Variants in ATP2B4 observed in about 807,000 individuals in gnomAD.
ATP2B4 encodes ATPase plasma membrane Ca2+ transporting 4, also known as plasma membrane calcium-transporting ATPase 4.
A neutral mutation model predicts 110.3 loss-of-function variants in ATP2B4; 39 were observed. The ratio of observed to expected loss-of-function variants is 0.35; its 90% CI spans 0.27 to 0.46. The LOEUF is 0.46. Among genes scored for constraint, ATP2B4 ranks in the 20% least tolerant of loss-of-function variants. The pLI is 1.00. For missense variants in ATP2B4, 1,135 were observed against 1,530.9 expected, an observed-to-expected ratio of 0.74 and a Z score of 4.32; for synonymous variants, 538 against 571.7, an observed-to-expected ratio of 0.94 and a Z score of 0.84.
chr1:203,703,514 T>C (rs920720067), intron 7 of ATP2B4, 138 bp from the exon 8 acceptor site: 1 of 908,598 alleles, frequency 1.1e-6, no homozygotes, highest in Non-Finnish European at 1.7e-6. Flanking sequence ...TAGCATGGGT[T>C]GGAAGTGGTC....
intron 1 of ATP2B4, among the ~76,000 whole-genome samples, chr1:203,655,517 G>A (rs4951306): frequency 0.95 from 144,389 of 152,114 alleles, 68,987 homozygotes; most frequent in East Asian, 1. Flanking sequence ...GTGGTGGTGC[G>A]TTCCTGTAAT....
At position 203,726,095 on chromosome 1, in the gene ATP2B4, C is replaced by G. The variant is rs1271721647; in HGVS notation, c.3133-1300C>G. Reference sequence around the variant, plus strand: ...ACAAAAAAAAAAAAAAAAAATTGGCCGGGCATGGTGACACATGCCTGTAAT... The same window carrying G: ...ACAAAAAAAAAAAAAAAAAATTGGCGGGGCATGGTGACACATGCCTGTAAT... On this transcript the variant is annotated intron_variant, in intron 19 of 20. Transcript: ENST00000357681. 2.0e-5 allele frequency among the ~76,000 whole-genome samples: 3 copies of G among 150,074 alleles called. No homozygotes were observed. The South Asian group carries it at 6.3e-4, about 31-fold the overall frequency.
At position 203,654,062 on chromosome 1, in the gene ATP2B4, CTA is replaced by C. The variant is rs1429933236; in HGVS notation, c.-465+26845_-465+26846del. Among the ~76,000 whole-genome samples, 18 of 148,022 alleles carry C rather than the reference CTA, an allele frequency of 1.2e-4. No individual in the cohort carries two copies. The Admixed American group carries it at 1.2e-3, about 10-fold the overall frequency. ...GCAATTGTGCGATCTCAGCTCACTGCTATGTCTGCCTCCCGTGTTCAAGCAAT... is the reference window on the plus strand; with the variant it reads ...GCAATTGTGCGATCTCAGCTCACTGCTGTCTGCCTCCCGTGTTCAAGCAAT... On this transcript the variant is annotated intron_variant, in intron 1 of 20. Transcript: ENST00000357681.
chr1:203,726,824 T>C (rs1359072565), intron 19 of ATP2B4, among the ~76,000 whole-genome samples: 1 of 152,176 alleles, frequency 6.6e-6, no homozygotes, highest in African/African-American at 2.4e-5. Flanking sequence ...CTATGGACTG[T>C]CCCATCCACT....
intron 20 of ATP2B4, among the ~76,000 whole-genome samples, chr1:203,735,371 G>A (rs1474849584): frequency 6.6e-6 from 1 of 152,224 alleles, no homozygotes; most frequent in African/African-American, 2.4e-5. Context: ...AGAGAGGAGA[G>A]AGAAGGTAGC....
intron 14 of ATP2B4, 140 bp downstream of exon 14, chr1:203,713,392 T>C: frequency 1.3e-6 from 1 of 775,590 alleles, no homozygotes; most frequent in African/African-American, 1.7e-5. Context: ...GGGGAGAACA[T>C]ACAGTTAGCA....
chr1:203,686,735 C>T (rs1468001178), intron 2 of ATP2B4, among the ~76,000 whole-genome samples: 2 of 81,722 alleles, frequency 2.4e-5, no homozygotes, highest in Non-Finnish European at 4.6e-5. Flanking sequence ...CTTTTGTTGC[C>T]CAAGCTGGAG....
intron 1 of ATP2B4, among the ~76,000 whole-genome samples, chr1:203,660,125 T>A (rs1179067663): frequency 2.0e-5 from 3 of 150,826 alleles, no homozygotes; most frequent in Non-Finnish European, 4.4e-5. Flanking sequence ...AAGAAACTTG[T>A]CCAAGGTCAC....
At chr1:203,668,839 G>C (rs1664581157) in intron 1 of ATP2B4, among the ~76,000 whole-genome samples, 1 of 152,190 alleles carries the variant, frequency 6.6e-6, no homozygotes, top group Non-Finnish European at 1.5e-5. Flanking sequence ...TGGAGATGTG[G>C]GAAAAGAGAA....
intron 16 of ATP2B4, 72 bp from the exon 17 acceptor site, chr1:203,721,125 T>C: frequency 6.6e-7 from 1 of 1,515,304 alleles, no homozygotes; most frequent in South Asian, 1.2e-5. Context: ...TCGTGGGAGC[T>C]GGGCCATCGA....
At chr1:203,714,136 A>G (rs765127043) in intron 14 of ATP2B4, 35 bp from the exon 15 acceptor site, 1 of 1,597,050 alleles carries the variant, frequency 6.3e-7, no homozygotes, top group Non-Finnish European at 8.6e-7. Flanking sequence ...GGGGGAGACC[A>G]GAAAAGCTCA....
At chr1:203,688,243 C>T (rs1223013152) in intron 2 of ATP2B4, among the ~76,000 whole-genome samples, 5 of 151,672 alleles carry the variant, frequency 3.3e-5, no homozygotes, top group African/African-American at 9.7e-5. Context: ...CTCAGCCTCC[C>T]GAAGTGCTGG....
intron 1 of ATP2B4, chr1:203,657,892 C>G (rs1240735197): frequency 7.0e-6 from 2 of 287,504 alleles, no homozygotes; most frequent in East Asian, 1.6e-4. Flanking sequence ...GTAGTAGAGA[C>G]AGGGTTTCAC....
At chr1:203,724,502 G>T (rs1035339327) in intron 19 of ATP2B4, among the ~76,000 whole-genome samples, 9 of 151,272 alleles carry the variant, frequency 5.9e-5, no homozygotes, top group Non-Finnish European at 8.8e-5. Context: ...GGGCGACAGA[G>T]CAAGACTCAG....
chr1:203,732,044 G>A (rs1378545307), intron 20 of ATP2B4, among the ~76,000 whole-genome samples: 1 of 151,314 alleles, frequency 6.6e-6, no homozygotes, highest in Non-Finnish European at 1.5e-5. Context: ...CAGCCTGGTG[G>A]CGGGTGCCTG....
rs1006963941 is a variant in ATP2B4 at position 203,742,363 on chromosome 1, T to C, written c.*2509T>C. The C allele has an allele frequency of 6.5e-6, 1 of 152,672 alleles. No individual in the cohort carries two copies. The highest frequency in any genetic ancestry group is 1.5e-5 in the Non-Finnish European group (1 of 68,044). 9.5% of individuals were successfully genotyped at this position (152,672 alleles called of 1,614,324 possible). A position where few individuals can be genotyped will look rare whatever the true frequency, so the allele number is the denominator to read the frequency against. On this transcript the variant is annotated 3_prime_UTR_variant, in exon 21 of 21. Coordinates refer to ENST00000357681, the MANE Select transcript of ATP2B4 (RefSeq NM_001684.5). ...TTTTTTAATATAAATTTTGTTGATA[T>C]GGAATTAGGTAAGTTTAAGTGTCTA...
intron 1 of ATP2B4, among the ~76,000 whole-genome samples, chr1:203,673,647 C>T (rs1054131524): frequency 2.6e-5 from 4 of 152,188 alleles, no homozygotes; most frequent in African/African-American, 9.7e-5. Context: ...GGAATGGGAG[C>T]AGCCAGGCCT....
intron 18 of ATP2B4, 119 bp downstream of exon 18, chr1:203,722,808 T>A: frequency 2.2e-6 from 2 of 927,870 alleles, no homozygotes; most frequent in Non-Finnish European, 3.2e-6. Flanking sequence ...ACTGGAGCTG[T>A]AAGTTGAACA....
At chr1:203,657,580 C>T (rs373614495) in intron 1 of ATP2B4, 12 of 948,590 alleles carry the variant, frequency 1.3e-5, no homozygotes, top group Admixed American at 1.8e-5. Context: ...ATTTTCTCAG[C>T]ATGACACTGT....
Sources: gnomAD v4.1 joint callset for allele counts (sites outside exome capture counted in the v4.1 genomes callset) on GRCh38, gnomAD v4.1.1 for gene constraint, MANE v1.5 for transcripts, NCBI Gene and HGNC (gene_info 2026-07-23, HGNC 2026-07-21) for gene names.